ATRIP: variants seen among roughly 807,000 people sequenced by gnomAD.
ATRIP encodes ATR interacting protein.
Under a neutral mutation model 78.1 loss-of-function variants are expected in ATRIP, and 44 were observed. That is an observed-to-expected ratio of 0.56 (90% confidence interval 0.44 to 0.72). The LOEUF (loss-of-function observed/expected upper bound fraction) is 0.72. ATRIP is among the 30% of genes least tolerant of loss of function. The probability of loss-of-function intolerance (pLI) is 0.00; values close to 1 mark genes in which losing one functional copy is unlikely to be tolerated. For missense variants in ATRIP, 927 were observed against 980.2 expected (o/e 0.95, Z 0.72); for synonymous variants, 388 against 408.9 (o/e 0.95, Z 0.62).
chr3:48,454,723 T>C lies in ATRIP; in HGVS notation c.671+305T>C, dbSNP rs1384817736. On this transcript the variant is annotated intron_variant, in intron 4 of 12. Coordinates refer to ENST00000320211, the MANE Select transcript of ATRIP (RefSeq NM_130384.3). ...GGGGGTGGGCTAGTCTCTACTTTTA[T>C]GTAATTTGTTTAACTGATTTTGTTG... Among the ~76,000 whole-genome samples, 7 of 152,318 alleles carry C rather than the reference T, an allele frequency of 4.6e-5. No individual in the cohort carries two copies. In the South Asian group the frequency reaches 1.0e-3, roughly 23 times the overall value.
chr3:48,454,870 C>CT (rs34089958), intron 4 of ATRIP, among the ~76,000 whole-genome samples: 71,242 of 144,844 alleles, frequency 0.49, 18,554 homozygotes, highest in East Asian at 0.7. Context: ...TTTTTTTTTT[C>CT]TTTTTTTTTT....
intron 5 of ATRIP, among the ~76,000 whole-genome samples, chr3:48,457,796 A>G (rs537654033): frequency 6.6e-6 from 1 of 152,370 alleles, no homozygotes; most frequent in African/African-American, 2.4e-5. Flanking sequence ...TGTATTTGTT[A>G]GAAGCAAATC....
intron 8 of ATRIP, among the ~76,000 whole-genome samples, chr3:48,462,657 T>C (rs929467785): frequency 6.7e-6 from 1 of 148,288 alleles, no homozygotes; most frequent in African/African-American, 2.5e-5. Context: ...GAGCTGAGTT[T>C]GCGCCACTGC....
chr3:48,453,050 A>G (rs911544877), intron 3 of ATRIP, among the ~76,000 whole-genome samples: 1 of 151,854 alleles, frequency 6.6e-6, no homozygotes, highest in Non-Finnish European at 1.5e-5. Flanking sequence ...AGGCAAAGCT[A>G]ATTTTTAAAT....
rs897672294 is a variant in ATRIP, at chr3:48,464,094, G to A, written c.1936G>A (p.Val646Met). ...YMYITSRPDRVALETQWLQLE... is the reference protein window; with the variant it reads ...YMYITSRPDRMALETQWLQLE... ...GTACATCACATCACGGCCTGACAGAGTGGCCTTGGAGACACAATGGCTCCA... is the reference window on the plus strand; with the variant it reads ...GTACATCACATCACGGCCTGACAGAATGGCCTTGGAGACACAATGGCTCCA... The change falls in exon 10 of 13, where the codon GTG (valine) becomes ATG (methionine). Residue 646 changes from valine to methionine, a missense_variant. By Grantham distance (21) the Val-to-Met change is conservative. Coordinates refer to ENST00000320211, the MANE Select transcript of ATRIP (RefSeq NM_130384.3). 2 of 1,613,878 alleles carry A rather than the reference G, an allele frequency of 1.2e-6. No homozygotes were observed. The highest frequency in any genetic ancestry group is 1.7e-6 in the Non-Finnish European group (2 of 1,180,026).
rs529538750 is a variant in ATRIP, at chr3:48,447,038, A to G, written c.193A>G (p.Thr65Ala). ...TGCCGACGACCTGGAGGAGCTTGAC[A>G]CCCTCGCGTCACAGGCCCTGAGCCA... Reference protein sequence around the residue: ...FTADDLEELDTLASQALSQCP... With the variant: ...FTADDLEELDALASQALSQCP... Residue 65 changes from threonine to alanine, a missense_variant, in exon 1 of 13, where the codon ACC becomes GCC. Transcript: ENST00000320211. 2 of 1,567,164 alleles carry G rather than the reference A, an allele frequency of 1.3e-6. No individual in the cohort carries two copies. Among genetic ancestry groups the G allele is most frequent in the East Asian group, 2.6e-5 (1 of 38,940 alleles).
intron 4 of ATRIP, among the ~76,000 whole-genome samples, chr3:48,456,136 T>G (rs1284634105): frequency 6.6e-6 from 1 of 151,638 alleles, no homozygotes; most frequent in African/African-American, 2.4e-5. Context: ...AAAAATAGTT[T>G]GTTCCACATT....
At chr3:48,449,412 T>TAAAAA (rs2039771343) in intron 1 of ATRIP, among the ~76,000 whole-genome samples, 3 of 20,412 alleles carry the variant, frequency 1.5e-4, no homozygotes, top group African/African-American at 8.4e-4. Context: ...AGACTCTGTC[T>TAAAAA]CAAAAAAAAA....
At chr3:48,447,136 C>G in intron 1 of ATRIP, 44 bp downstream of exon 1, 1 of 1,439,080 alleles carries the variant, frequency 6.9e-7, no homozygotes, top group Non-Finnish European at 9.2e-7. Flanking sequence ...AGTTGTCAAC[C>G]GCGCCAGATC....
At chr3:48,457,834 G>A (rs1003809462) in intron 5 of ATRIP, among the ~76,000 whole-genome samples, 2 of 152,160 alleles carry the variant, frequency 1.3e-5, no homozygotes, top group Non-Finnish European at 2.9e-5. Flanking sequence ...TTCAAGGGGA[G>A]AAACCAAGCT....
rs760824612 is a variant in ATRIP, at chr3:48,460,629, C to T, written c.1575C>T (p.Ala525=). 6.2e-7 allele frequency: 1 copy of T among 1,614,112 alleles called. No homozygotes were observed. Among genetic ancestry groups the T allele is most frequent in the South Asian group, 1.1e-5 (1 of 91,080 alleles). ...TTAGTGATGGAGATATGACCTCAGC[C>T]CTAAGGGGGGTTGCTGATGACCAAG... ...HRLSDGDMTS[A]LRGVADDQGQ... Residue 525 remains alanine, a synonymous_variant, in exon 8 of 13, where the codon GCC becomes GCT. Transcript: ENST00000320211.
chr3:48,455,666 A>T (rs966071516), intron 4 of ATRIP, among the ~76,000 whole-genome samples: 3 of 146,928 alleles, frequency 2.0e-5, no homozygotes, highest in African/African-American at 7.5e-5. Context: ...GTTTTTTTGT[A>T]TTTTTTTTTT....
chr3:48,463,830 T>G lies in ATRIP; in HGVS notation c.1831T>G (p.Ser611Ala). Residue 611 changes from serine to alanine, a missense_variant, in exon 9 of 13, where the codon TCC becomes GCC. Transcript: ENST00000320211. The stretch of plus-strand genomic sequence containing the variant: ...CGTGCTGCTGGCTGTTGAGCTCCTC[T>G]CCCTGCTGGCGGACCACGACCAGCT... ...PSVLLAVELLSLLADHDQLAP... is the reference protein window; with the variant it reads ...PSVLLAVELLALLADHDQLAP... 1.9e-6 allele frequency: 3 copies of G among 1,614,092 alleles called. No individual in the cohort carries two copies. Among genetic ancestry groups the G allele is most frequent in the Non-Finnish European group, 2.5e-6 (3 of 1,180,012 alleles).
intron 1 of ATRIP, among the ~76,000 whole-genome samples, chr3:48,448,986 C>T (rs1362306315): frequency 2.0e-5 from 3 of 152,228 alleles, no homozygotes; most frequent in African/African-American, 7.2e-5. Flanking sequence ...TGCATGTGGT[C>T]AGTAACTATT....
chr3:48,449,786 A>G lies in ATRIP; in HGVS notation c.248-251A>G, dbSNP rs555751171. ...ACTAAAATCCAAAAAAAAAAAAAAAAAAAAAGCCAGGCATGGTGGCACACA... is the reference window on the plus strand; with the variant it reads ...ACTAAAATCCAAAAAAAAAAAAAAAGAAAAAGCCAGGCATGGTGGCACACA... On this transcript the variant is annotated intron_variant, in intron 1 of 12. Transcript: ENST00000320211. Among the ~76,000 whole-genome samples the G allele has an allele frequency of 2.0e-5, 3 of 151,206 alleles. No homozygotes were observed. In the South Asian group the frequency reaches 6.3e-4, roughly 32 times the overall value.
At chr3:48,459,998 A>G in intron 7 of ATRIP, 82 bp downstream of exon 7, 1 of 1,560,430 alleles carries the variant, frequency 6.4e-7, no homozygotes, top group Non-Finnish European at 8.6e-7. Context: ...CCAGCCTGAG[A>G]AGTCTGTGGG....
intron 8 of ATRIP, 142 bp downstream of exon 8, chr3:48,460,941 T>C: frequency 1.2e-6 from 1 of 805,748 alleles, no homozygotes; most frequent in Non-Finnish European, 1.9e-6. Flanking sequence ...AGTTCTGAAG[T>C]GATGGGAAGT....
Position 48,466,290 on chromosome 3 carries a change from C to T in ATRIP, c.*736C>T. 1.5e-6 allele frequency: 1 copy of T among 681,404 alleles called. No homozygotes were observed. The highest frequency in any genetic ancestry group is 2.6e-6 in the Non-Finnish European group (1 of 385,416). The allele number at this position is 681,404 out of a possible 1,614,324, so 42.2% of individuals were successfully genotyped here. A position where few individuals can be genotyped will look rare whatever the true frequency, so the allele number is the denominator to read the frequency against. On this transcript the variant is annotated 3_prime_UTR_variant, in exon 13 of 13. Coordinates refer to ENST00000320211, the MANE Select transcript of ATRIP (RefSeq NM_130384.3). ...GAGTGTGCAGCCGAGTCACTACTGC[C>T]TGCCTGCCTGCCTGCTACGGTGAGT... is the stretch of plus-strand genomic sequence containing the variant.
At chr3:48,462,805 T>C (rs1419216991) in intron 8 of ATRIP, among the ~76,000 whole-genome samples, 3 of 152,226 alleles carry the variant, frequency 2.0e-5, no homozygotes, top group African/African-American at 7.2e-5. Flanking sequence ...GTGGCAGATA[T>C]TGGACATCTT....
Sources: gnomAD v4.1 joint callset for allele counts (sites outside exome capture counted in the v4.1 genomes callset) on GRCh38, gnomAD v4.1.1 for gene constraint, MANE v1.5 for transcripts, NCBI Gene and HGNC (gene_info 2026-07-23, HGNC 2026-07-21) for gene names.